Variants in EXD3 observed in about 807,000 individuals in gnomAD.
EXD3 encodes the protein exonuclease mut-7 homolog.
In EXD3, 92 loss-of-function variants were observed where a neutral mutation model predicts 98.0. The observed-to-expected ratio is 0.94, with a 90% CI of 0.79 to 1.12. The LOEUF is 1.12. Among genes scored for constraint, EXD3 ranks in the 50% most tolerant of loss-of-function variants. EXD3 has a pLI of 0.00. For synonymous variants in EXD3, 569 were observed against 526.0 expected, an observed-to-expected ratio of 1.08 and a Z score of -1.12; for missense variants, 1,222 against 1,191.6, an observed-to-expected ratio of 1.03 and a Z score of -0.38.
chr9:137,318,289 C>G (rs1451044568), intron 19 of EXD3, among the ~76,000 whole-genome samples: 1 of 152,126 alleles, frequency 6.6e-6, no homozygotes, highest in Non-Finnish European at 1.5e-5. Flanking sequence ...ACAGGGCTTC[C>G]CAGGCGCCCA....
In EXD3 at chr9:137,345,214, C is replaced by T. The variant is rs73581544; in HGVS notation, c.1998+2857G>A. On this transcript the variant is annotated intron_variant, in intron 17 of 21. Transcript: ENST00000340951. Reference sequence around the variant, plus strand: ...TCCTCACATCCTCTGGGCTCTCGCCCGGAATGCTTTCTTTCCTTTTCCTTT... The same window carrying T: ...TCCTCACATCCTCTGGGCTCTCGCCTGGAATGCTTTCTTTCCTTTTCCTTT... Among the ~76,000 whole-genome samples the T allele has an allele frequency of 7.5e-3, 1,148 of 152,390 alleles. 15 individuals are homozygous for T. Among genetic ancestry groups the T allele is most frequent in the African/African-American group, 0.024 (1,019 of 41,596 alleles).
At chr9:137,335,028 G>T (rs963163540) in intron 17 of EXD3, among the ~76,000 whole-genome samples, 3 of 151,586 alleles carry the variant, frequency 2.0e-5, no homozygotes, top group Non-Finnish European at 4.4e-5. Flanking sequence ...AGTGAGCAGA[G>T]ATTGCACCAC....
At chr9:137,312,109 A>ACCC (rs1159431576) in intron 19 of EXD3, among the ~76,000 whole-genome samples, 1 of 152,062 alleles carries the variant, frequency 6.6e-6, no homozygotes, top group Non-Finnish European at 1.5e-5. Flanking sequence ...ACGCACAGAC[A>ACCC]CCCACTCCAG....
chr9:137,333,966 C>T (rs1387772134), intron 17 of EXD3, among the ~76,000 whole-genome samples: 1 of 152,022 alleles, frequency 6.6e-6, no homozygotes, highest in Non-Finnish European at 1.5e-5. Flanking sequence ...CCTCAGCCTC[C>T]CGAGTAGCTG....
In EXD3 at chr9:137,348,013, C is replaced by G. The variant is rs1834022899; in HGVS notation, c.1998+58G>C. 6 of 1,543,780 alleles carry G rather than the reference C, an allele frequency of 3.9e-6. No homozygotes were observed. In the East Asian group the frequency reaches 1.4e-4, roughly 36 times the overall value. ...GAGTTTGATGCTAGGGGTGGGCACA[C>G]CTGTGCTAGGGGCAGCTGCACCTTG... On this transcript the variant is annotated intron_variant, in intron 17 of 21. Coordinates refer to ENST00000340951, the MANE Select transcript of EXD3 (RefSeq NM_017820.5).
chr9:137,348,060 C>G lies in EXD3; in HGVS notation c.1998+11G>C. 1 of 1,607,742 alleles carries G rather than the reference C, an allele frequency of 6.2e-7. No individual in the cohort carries two copies. The highest frequency in any genetic ancestry group is 8.5e-7 in the Non-Finnish European group (1 of 1,178,654). Reference sequence around the variant, plus strand: ...CTTGGGAGGACCCCAAGACCCTCCCCGCAAACTCACCTCGGCCGCCCTGCG... The same window carrying G: ...CTTGGGAGGACCCCAAGACCCTCCCGGCAAACTCACCTCGGCCGCCCTGCG... On this transcript the variant is annotated intron_variant, in intron 17 of 21. Transcript: ENST00000340951.
chr9:137,319,741 A>T (rs1439045090), intron 19 of EXD3, among the ~76,000 whole-genome samples: 1 of 152,100 alleles, frequency 6.6e-6, no homozygotes, highest in African/African-American at 2.4e-5. Context: ...CCATTCTCCC[A>T]CCTGGTGACC....
chr9:137,307,196 A>T lies in EXD3; in HGVS notation c.2385T>A (p.Ala795=). Residue 795 remains alanine (A), a synonymous_variant, in exon 22 of 22, where the codon GCT becomes GCA. Coordinates refer to ENST00000340951, the MANE Select transcript of EXD3 (RefSeq NM_017820.5). ...TGTCCGGTGTCTCCGCCCGCAGGTC[A>T]GCCATCTGCAGCCAGCGGCAGGGGC... ...YDRPCRWLQM[A]DLRAETPDML... The T allele has an allele frequency of 6.3e-7, 1 of 1,583,478 alleles. No individual in the cohort carries two copies. The highest frequency in any genetic ancestry group is 8.6e-7 in the Non-Finnish European group (1 of 1,166,050).
chr9:137,317,945 G>T (rs1831782459), intron 19 of EXD3, among the ~76,000 whole-genome samples: 1 of 152,182 alleles, frequency 6.6e-6, no homozygotes, highest in Non-Finnish European at 1.5e-5. Flanking sequence ...GCCAAGCGTG[G>T]GAATGGGGTC....
chr9:137,389,663 G>T (rs1040339523), intron 2 of EXD3, among the ~76,000 whole-genome samples: 3 of 152,052 alleles, frequency 2.0e-5, no homozygotes, highest in South Asian at 4.2e-4. Context: ...GGACAGAGAG[G>T]GACAGTGAGA....
chr9:137,410,525 A>C (rs1837943842), intron 1 of EXD3, among the ~76,000 whole-genome samples: 1 of 151,990 alleles, frequency 6.6e-6, no homozygotes. Flanking sequence ...AACCCTTTTA[A>C]GTGTCTTCAT....
Position 137,324,615 on chromosome 9 carries a change from TA to T in EXD3, c.1999-473del, listed in dbSNP as rs1832288227. Among the ~76,000 whole-genome samples, 1 of 152,210 alleles carries T rather than the reference TA, an allele frequency of 6.6e-6. No homozygotes were observed. The highest frequency in any genetic ancestry group is 2.4e-5 in the African/African-American group (1 of 41,458). On this transcript the variant is annotated intron_variant, in intron 17 of 21. Transcript: ENST00000340951. This position sits in a 1 kb window ranked among gnomAD's most constrained non-coding sequence, Gnocchi z 4.1. ...CCAAAGCTTTGTATGAACTGTGGCA[TA>T]AAACAGATGGATCATTTTGCTGATT...
At chr9:137,390,556 G>A (rs1397906987) in intron 2 of EXD3, among the ~76,000 whole-genome samples, 1 of 152,136 alleles carries the variant, frequency 6.6e-6, no homozygotes, top group Non-Finnish European at 1.5e-5. Context: ...AATGAGGCCC[G>A]GTATTGGCGT....
At chr9:137,408,339 G>C (rs936102736) in intron 1 of EXD3, among the ~76,000 whole-genome samples, 1 of 151,920 alleles carries the variant, frequency 6.6e-6, no homozygotes, top group African/African-American at 2.4e-5. Context: ...ACGAGGTCAG[G>C]AGATCGAGAC....
chr9:137,400,258 C>T (rs576022742), intron 1 of EXD3, among the ~76,000 whole-genome samples: 15 of 152,192 alleles, frequency 9.9e-5, no homozygotes, highest in Admixed American at 5.2e-4. Flanking sequence ...CATTCCGTCC[C>T]GGCCCCTCCA....
chr9:137,337,137 A>G lies in EXD3; in HGVS notation c.1998+10934T>C, dbSNP rs193062553. ...TAAAATATATTTTATAGCAAAGAGC[A>G]TTACTGGAGTCAAAGAGGTTCACCA... is the stretch of plus-strand genomic sequence containing the variant. On this transcript the variant is annotated intron_variant, in intron 17 of 21. Transcript: ENST00000340951. 7.2e-4 allele frequency among the ~76,000 whole-genome samples: 110 copies of G among 152,352 alleles called. 1 individual carries two copies. The highest frequency in any genetic ancestry group is 2.4e-3 in the African/African-American group (101 of 41,586).
chr9:137,355,693 G>GGGAGGAA lies in EXD3; in HGVS notation c.757+568_757+574dup, dbSNP rs773247333. 9.9e-4 allele frequency among the ~76,000 whole-genome samples: 40 copies of GGGAGGAA among 40,544 alleles called. 3 individuals are homozygous for GGGAGGAA. The highest frequency in any genetic ancestry group is 4.3e-3 in the Admixed American group (13 of 3,026). The allele number at this position is 40,544 out of a possible 152,430, so 26.6% of individuals were successfully genotyped here. Reference sequence around the variant, plus strand: ...AAAGGGAGGATGGAGGAAGGAGAAAGGGAGGAAGGAGGAAGGAGGAAGGAG... The same window carrying GGGAGGAA: ...AAAGGGAGGATGGAGGAAGGAGAAAGGGAGGAAGGAGGAAGGAGGAAGGAGGAAGGAG... On this transcript the variant is annotated intron_variant, in intron 8 of 21. Coordinates refer to ENST00000340951, the MANE Select transcript of EXD3 (RefSeq NM_017820.5).
At chr9:137,374,878 C>T (rs1401811340) in intron 3 of EXD3, 1 of 985,108 alleles carries the variant, frequency 1.0e-6, no homozygotes, top group Non-Finnish European at 1.2e-6. Flanking sequence ...TGAGTTCTAA[C>T]TCTAGTGAGT....
intron 19 of EXD3, among the ~76,000 whole-genome samples, chr9:137,314,368 C>T (rs1021500818): frequency 3.9e-5 from 6 of 152,210 alleles, no homozygotes; most frequent in East Asian, 1.9e-4. Flanking sequence ...CCGGCACTGA[C>T]TTTCCACTGG....
Sources: gnomAD v4.1 joint callset for allele counts (sites outside exome capture counted in the v4.1 genomes callset) on GRCh38, gnomAD v4.1.1 for gene constraint, Gnocchi (gnomAD v3.1) non-coding constraint, MANE v1.5 for transcripts, NCBI Gene and HGNC (gene_info 2026-07-23, HGNC 2026-07-21) for gene names.